Variants in COG6 observed in about 807,000 individuals in gnomAD.
The protein encoded by COG6 is component of oligomeric golgi complex 6.
Under a neutral mutation model 88.8 loss-of-function variants are expected in COG6, and 74 were observed. The observed-to-expected ratio is 0.83, with a 90% CI of 0.69 to 1.01. The LOEUF (loss-of-function observed/expected upper bound fraction) is 1.01. Ranked by LOEUF, COG6 falls within the 50% of genes least tolerant of loss-of-function variation. The pLI is 0.00. For synonymous variants in COG6, 286 were observed against 278.7 expected (o/e 1.03, Z -0.26); for missense variants, 800 against 797.9 (o/e 1.00, Z -0.03).
intron 18 of COG6, among the ~76,000 whole-genome samples, chr13:39,738,733 G>A (rs1879896295): frequency 6.6e-6 from 1 of 152,126 alleles, no homozygotes; most frequent in Middle Eastern, 3.2e-3. Context: ...TAATCCTAAA[G>A]CTGGAGTAGC....
chr13:39,733,648 C>T (rs1228417652), intron 18 of COG6, among the ~76,000 whole-genome samples: 3 of 151,340 alleles, frequency 2.0e-5, no homozygotes, highest in Admixed American at 6.6e-5. Flanking sequence ...TAAATACTGG[C>T]CTCATAGAAT....
In COG6 at chr13:39,711,599, C is replaced by G. The variant is rs2138059800; in HGVS notation, c.1285-7637C>G. 1.3e-5 allele frequency among the ~76,000 whole-genome samples: 2 copies of G among 152,226 alleles called. 1 individual carries two copies. Among genetic ancestry groups the G allele is most frequent in the South Asian group, 4.1e-4 (2 of 4,820 alleles). On this transcript the variant is annotated intron_variant, in intron 13 of 18. Transcript: ENST00000455146. ...AAATTTGATATTATTCCTTCCTCCT[C>G]CTTCTCATCAGTCTTACTCATCTTC...
rs142764620 is a variant in COG6, at chr13:39,718,425, C to G, written c.1285-811C>G. On this transcript the variant is annotated intron_variant, in intron 13 of 18. Coordinates refer to ENST00000455146, the MANE Select transcript of COG6 (RefSeq NM_020751.3). Reference sequence around the variant, plus strand: ...TTACTTTATTAACATTGTAAGTATTCTGAAAATATTTTTAAAGAAATTCAT... The same window carrying G: ...TTACTTTATTAACATTGTAAGTATTGTGAAAATATTTTTAAAGAAATTCAT... Among the ~76,000 whole-genome samples the G allele has an allele frequency of 7.5e-3, 1,142 of 152,154 alleles. 24 individuals carry two copies. The highest frequency in any genetic ancestry group is 0.026 in the African/African-American group (1,076 of 41,520).
In COG6 at chr13:39,680,057, C is replaced by A. The variant is rs1420974248; in HGVS notation, c.694+12C>A. 3.3e-6 allele frequency: 5 copies of A among 1,508,768 alleles called. No individual in the cohort carries two copies. The African/African-American group carries it at 4.1e-5, about 12-fold the overall frequency. The allele number at this position is 1,508,768 out of a possible 1,614,324, so 93.5% of individuals were successfully genotyped here. A position where few individuals can be genotyped will look rare whatever the true frequency, so the allele number is the denominator to read the frequency against. On this transcript the variant is annotated intron_variant, in intron 7 of 18. Transcript: ENST00000455146. ...CCGATGGGCTCAAAGTAAGTGATTTCTTTTATGTTGTCTAGATTCATGAAC... is the reference window on the plus strand; with the variant it reads ...CCGATGGGCTCAAAGTAAGTGATTTATTTTATGTTGTCTAGATTCATGAAC...
chr13:39,719,178 A>C, intron 13 of COG6, 58 bp from the exon 14 acceptor site: 1 of 1,547,958 alleles, frequency 6.5e-7, no homozygotes, highest in Non-Finnish European at 8.9e-7. Flanking sequence ...ACTTACATTT[A>C]TACATTAAAA....
At chr13:39,693,801 A>G (rs1249799454) in intron 11 of COG6, among the ~76,000 whole-genome samples, 4 of 151,960 alleles carry the variant, frequency 2.6e-5, no homozygotes, top group East Asian at 1.9e-4. Flanking sequence ...TTCAGTTTTT[A>G]AAAGCATATA....
In COG6 at chr13:39,751,279, A is replaced by T. The variant is rs1211208148; in HGVS notation, c.*186A>T. 2.6e-6 allele frequency: 4 copies of T among 1,512,480 alleles called. No homozygotes were observed. Among genetic ancestry groups the T allele is most frequent in the Non-Finnish European group, 3.5e-6 (4 of 1,133,958 alleles). 93.7% of individuals were successfully genotyped at this position (1,512,480 alleles called of 1,614,324 possible). On this transcript the variant is annotated 3_prime_UTR_variant, in exon 19 of 19. Transcript: ENST00000455146. ...GGGAAGTAAGTAACATGTTGACCTG[A>T]GCTAGTATTGCTGTGTATCTACTCT...
intron 11 of COG6, among the ~76,000 whole-genome samples, chr13:39,691,547 C>T (rs1157677907): frequency 6.6e-6 from 1 of 151,884 alleles, no homozygotes; most frequent in Non-Finnish European, 1.5e-5. Flanking sequence ...ATATGTATTG[C>T]ATCCAGAGAA....
intron 18 of COG6, among the ~76,000 whole-genome samples, chr13:39,744,574 A>T (rs1245511040): frequency 6.6e-6 from 1 of 152,182 alleles, no homozygotes; most frequent in Non-Finnish European, 1.5e-5. Flanking sequence ...CTTCAAGGAG[A>T]ACTACAAACC....
At position 39,719,338 on chromosome 13, in the gene COG6, T is replaced by TTAGA. The variant is rs1878719055; in HGVS notation, c.1389_1392dup (p.Ala465ArgfsTer6). The TTAGA allele has an allele frequency of 6.2e-7, 1 of 1,612,534 alleles. No individual in the cohort carries two copies. The highest frequency in any genetic ancestry group is 1.1e-5 in the South Asian group (1 of 91,066). Reference sequence around the variant, plus strand: ...ATCTCACGATTCTTCAGTTGTACCATTAGATGCTCGTCAAGCTGATTTTGT... The same window carrying TTAGA: ...ATCTCACGATTCTTCAGTTGTACCATTAGATAGATGCTCGTCAAGCTGATTTTGT... On this transcript the variant is annotated frameshift_variant, in exon 14 of 19. Transcript: ENST00000455146. LOFTEE classifies it high-confidence loss of function.
At chr13:39,719,632 AAG>A (rs1878738303) in intron 14 of COG6, 26 bp from the exon 15 acceptor site, 1 of 1,595,224 alleles carries the variant, frequency 6.3e-7, no homozygotes, top group Non-Finnish European at 8.6e-7. Context: ...TTGAGAAATA[AAG>A]AGTTCATTTT....
intron 18 of COG6, among the ~76,000 whole-genome samples, chr13:39,781,172 GA>G (rs1326314860): frequency 2.0e-5 from 3 of 152,138 alleles, no homozygotes; most frequent in African/African-American, 7.2e-5. Context: ...TGGGGGTGGG[GA>G]CAAGGATGCA....
At chr13:39,657,514 C>T (rs1267605445) in intron 1 of COG6, among the ~76,000 whole-genome samples, 1 of 140,508 alleles carries the variant, frequency 7.1e-6, no homozygotes, top group Non-Finnish European at 1.5e-5. Flanking sequence ...TCTAAAGAAA[C>T]TGCTTCACTT....
chr13:39,774,909 G>A (rs558262011), intron 18 of COG6, among the ~76,000 whole-genome samples: 10 of 152,220 alleles, frequency 6.6e-5, no homozygotes, highest in African/African-American at 2.4e-4. Flanking sequence ...TCACACCATT[G>A]CAAAATCAGT....
At chr13:39,686,106 A>G (rs1199653740) in intron 8 of COG6, among the ~76,000 whole-genome samples, 1 of 152,216 alleles carries the variant, frequency 6.6e-6, no homozygotes, top group Non-Finnish European at 1.5e-5. Context: ...AAAGAAAGCT[A>G]TGTAGCCTAA....
At chr13:39,718,196 T>C (rs1445340009) in intron 13 of COG6, among the ~76,000 whole-genome samples, 1 of 152,128 alleles carries the variant, frequency 6.6e-6, no homozygotes, top group Non-Finnish European at 1.5e-5. Flanking sequence ...TTGTTCTTGT[T>C]GTTTTTATGA....
At chr13:39,663,983 A>G (rs1211762040) in intron 3 of COG6, 2 of 154,452 alleles carry the variant, frequency 1.3e-5, no homozygotes, top group Non-Finnish European at 2.9e-5. Flanking sequence ...TACACTCAAA[A>G]TAGCTTCATT....
intron 18 of COG6, among the ~76,000 whole-genome samples, chr13:39,763,496 T>C (rs906976357): frequency 2.6e-5 from 4 of 151,776 alleles, no homozygotes; most frequent in African/African-American, 9.7e-5. Flanking sequence ...ATTAAGAAAG[T>C]TCCTTTCTGT....
intron 18 of COG6, among the ~76,000 whole-genome samples, chr13:39,748,230 G>A (rs1430749729): frequency 1.3e-5 from 2 of 152,162 alleles, no homozygotes; most frequent in Non-Finnish European, 2.9e-5. Context: ...GTTTCTAGTA[G>A]TTTTTAATGA....
Sources: allele counts gnomAD v4.1 joint callset (sites outside exome capture counted in the v4.1 genomes callset), GRCh38; gene constraint gnomAD v4.1.1; transcripts MANE v1.5; gene names NCBI Gene and HGNC (gene_info 2026-07-23, HGNC 2026-07-21).